DMXL2: variants seen among roughly 807,000 people sequenced by gnomAD.
The protein encoded by DMXL2 is Dmx like 2, also known as dmX-like protein 2.
DMXL2 carries 103 observed loss-of-function variants against 331.1 expected under a neutral mutation model. That is an observed-to-expected ratio of 0.31 (90% CI 0.27 to 0.37). The LOEUF is 0.37. Ranked by LOEUF, DMXL2 falls within the 10% of genes least tolerant of loss-of-function variation. The probability of loss-of-function intolerance (pLI) is 1.00; values close to 1 mark genes in which losing one functional copy is unlikely to be tolerated. For synonymous variants in DMXL2, 1,281 were observed against 1,252.1 expected (o/e 1.02, Z -0.49); for missense variants, 3,171 against 3,642.9 (o/e 0.87, Z 3.33).
chr15:51,485,354 G>A lies in DMXL2; in HGVS notation c.5482+719C>T, dbSNP rs370396203. Among the ~76,000 whole-genome samples, 342 of 152,256 alleles carry A rather than the reference G, an allele frequency of 2.2e-3. 2 individuals are homozygous for A. Among genetic ancestry groups the A allele is most frequent in the African/African-American group, 7.9e-3 (329 of 41,538 alleles). On this transcript the variant is annotated intron_variant, in intron 23 of 43. Coordinates refer to ENST00000560891, the MANE Select transcript of DMXL2 (RefSeq NM_001378457.1). ...GATCTCCTCATTTTTATTCCCAAAA[G>A]GTAGCCAGTGACCAATGACCAGTAT...
chr15:51,457,088 A>G (rs1431193653), intron 37 of DMXL2, among the ~76,000 whole-genome samples: 1 of 152,148 alleles, frequency 6.6e-6, no homozygotes, highest in Non-Finnish European at 1.5e-5. Context: ...GGAAGGATCA[A>G]TTGAGCCCAG....
chr15:51,459,909 T>C (rs1161624898), intron 33 of DMXL2: 2 of 1,126,480 alleles, frequency 1.8e-6, no homozygotes, highest in African/African-American at 3.2e-5. Flanking sequence ...AAATAAAAAT[T>C]AGTTATCTGT....
At chr15:51,487,578 C>T (rs2042487470) in intron 22 of DMXL2, among the ~76,000 whole-genome samples, 1 of 152,200 alleles carries the variant, frequency 6.6e-6, no homozygotes, top group Non-Finnish European at 1.5e-5. Context: ...TTGCCTCAGC[C>T]TCCCGAGTAG....
chr15:51,619,387 T>C (rs1012986183), intron 1 of DMXL2, among the ~76,000 whole-genome samples: 4 of 152,214 alleles, frequency 2.6e-5, no homozygotes. Flanking sequence ...CACAATCGAA[T>C]GTTTAAGGAA....
chr15:51,506,099 G>A (rs898556090), intron 16 of DMXL2, among the ~76,000 whole-genome samples: 15 of 152,178 alleles, frequency 9.9e-5, no homozygotes, highest in African/African-American at 3.1e-4. Flanking sequence ...ATTGACAAGG[G>A]TCTCACTTTG....
Position 51,622,470 on chromosome 15 carries a change from C to A in DMXL2, c.76G>T (p.Val26Phe). The A allele has an allele frequency of 6.4e-7, 1 of 1,565,066 alleles. No homozygotes were observed. The highest frequency in any genetic ancestry group is 8.7e-7 in the Non-Finnish European group (1 of 1,154,370). The change falls in exon 1 of 44, where the codon GTC becomes TTC. Residue 26 changes from valine (V) to phenylalanine (F), a missense_variant. Val to Phe is a conservative substitution (Grantham distance 50, BLOSUM62 -1). This residue lies in a region of DMXL2 where 1,674 missense variants were observed against 1,780.2 expected (regional missense o/e 0.94). Coordinates refer to ENST00000560891, the MANE Select transcript of DMXL2 (RefSeq NM_001378457.1). ...NCYSVGSVGD[V>F]PFTAYGSGCD... is the part of the protein sequence containing the mutation. ...CGGCCGCCGCTCACCGTGAAGGGGA[C>A]ATCCCCGACGCTGCCCACGGAGTAG...
intron 15 of DMXL2, among the ~76,000 whole-genome samples, chr15:51,513,632 T>G (rs1409348257): frequency 6.6e-6 from 1 of 152,196 alleles, no homozygotes; most frequent in Non-Finnish European, 1.5e-5. Context: ...AATTTCGTGA[T>G]GAAGACTACA....
At chr15:51,597,890 T>C (rs990601533) in intron 1 of DMXL2, among the ~76,000 whole-genome samples, 1 of 152,248 alleles carries the variant, frequency 6.6e-6, no homozygotes, top group African/African-American at 2.4e-5. Context: ...TGATTATTAA[T>C]GAGCTATGGC....
At chr15:51,561,734 A>C (rs549345519) in intron 6 of DMXL2, among the ~76,000 whole-genome samples, 1 of 152,370 alleles carries the variant, frequency 6.6e-6, no homozygotes, top group South Asian at 2.1e-4. Context: ...CTACACTCCC[A>C]TGTTTACTGC....
intron 40 of DMXL2, among the ~76,000 whole-genome samples, chr15:51,454,895 T>C (rs2039491444): frequency 6.6e-6 from 1 of 152,164 alleles, no homozygotes; most frequent in South Asian, 2.1e-4. Flanking sequence ...AAACCCAAGT[T>C]GTACCACACA....
intron 34 of DMXL2, chr15:51,459,201 G>A (rs557213658): frequency 1.5e-5 from 3 of 194,884 alleles, no homozygotes; most frequent in Non-Finnish European, 3.2e-5. Context: ...ACCACCCTTT[G>A]AAGTAAGGGT....
chr15:51,448,975 C>A lies in DMXL2; in HGVS notation c.*9G>T. The A allele has an allele frequency of 1.9e-6, 3 of 1,613,306 alleles. No individual in the cohort carries two copies. Among genetic ancestry groups the A allele is most frequent in the Admixed American group, 1.7e-5 (1 of 59,910 alleles). On this transcript the variant is annotated 3_prime_UTR_variant, in exon 44 of 44. Transcript: ENST00000560891. ...AACTGAAATGTATATAAAAATAAAA[C>A]CCCAATCTTTATAGAATGTCAAGAA...
At chr15:51,495,225 T>C (rs1246976219) in intron 18 of DMXL2, 91 bp from the exon 19 acceptor site, 2 of 705,736 alleles carry the variant, frequency 2.8e-6, no homozygotes, top group Non-Finnish European at 4.7e-6. Context: ...AACTTAGTCA[T>C]AATTTATATA....
chr15:51,464,624 TC>T, intron 32 of DMXL2, 50 bp downstream of exon 32: 1 of 1,528,630 alleles, frequency 6.5e-7, no homozygotes, highest in East Asian at 2.3e-5. Context: ...CAAACTGTCT[TC>T]CAGAAAAGTT....
chr15:51,484,141 T>C (rs991224508), intron 23 of DMXL2, among the ~76,000 whole-genome samples: 4 of 151,916 alleles, frequency 2.6e-5, no homozygotes, highest in Non-Finnish European at 4.4e-5. Flanking sequence ...GCCTGAGAAA[T>C]AGCCTTATCC....
chr15:51,489,622 T>A (rs2042649196), intron 20 of DMXL2, among the ~76,000 whole-genome samples: 1 of 146,846 alleles, frequency 6.8e-6, no homozygotes, highest in South Asian at 2.1e-4. Flanking sequence ...ACCATTGCAA[T>A]CCAGCCTGGG....
chr15:51,595,573 A>G (rs2052735970), intron 1 of DMXL2, among the ~76,000 whole-genome samples: 1 of 152,262 alleles, frequency 6.6e-6, no homozygotes. Context: ...AAACTACTTT[A>G]AAGTTCATAT....
In DMXL2 at chr15:51,479,933, T is replaced by C; in HGVS notation, c.6756+15A>G. ...CAGGGTGTATAATATCAAATGATCA[T>C]AAACTTTACATTACCTTCACATCTT... On this transcript the variant is annotated intron_variant, in intron 25 of 43. Transcript: ENST00000560891. 6.8e-7 allele frequency: 1 copy of C among 1,471,894 alleles called. No homozygotes were observed. Among genetic ancestry groups the C allele is most frequent in the Non-Finnish European group, 9.1e-7 (1 of 1,097,424 alleles). The allele number at this position is 1,471,894 out of a possible 1,614,324, so 91.2% of individuals were successfully genotyped here.
chr15:51,500,039 C>A lies in DMXL2; in HGVS notation c.3185G>T (p.Ser1062Ile). Residue 1062 changes from serine to isoleucine, a missense_variant, in exon 18 of 44, where the codon AGC becomes ATC. By Grantham distance (142) the Ser-to-Ile change is moderately radical. Coordinates refer to ENST00000560891, the MANE Select transcript of DMXL2 (RefSeq NM_001378457.1). ...TCTTCCCACAATGCTCACTGTACTG[C>A]TATTATCTTCTCCTTCATCATTCAT... ...PLMNDEGEDNSSTVSIVGRPV... is the reference protein window; with the variant it reads ...PLMNDEGEDNISTVSIVGRPV... 3.7e-6 allele frequency: 6 copies of A among 1,614,162 alleles called. No homozygotes were observed. Among genetic ancestry groups the A allele is most frequent in the Non-Finnish European group, 5.1e-6 (6 of 1,180,020 alleles).
Sources: allele counts gnomAD v4.1 joint callset (sites outside exome capture counted in the v4.1 genomes callset), GRCh38; gene constraint gnomAD v4.1.1; regional missense constraint gnomAD v4.1.1; transcripts MANE v1.5; gene names NCBI Gene and HGNC (gene_info 2026-07-23, HGNC 2026-07-21).